EGFL8: variants seen among roughly 807,000 people sequenced by gnomAD.
EGFL8 encodes EGF like domain multiple 8.
In EGFL8, 32 loss-of-function variants were observed where a neutral mutation model predicts 39.4. That is an observed-to-expected ratio of 0.81 (90% confidence interval 0.61 to 1.09). The LOEUF is 1.09. Ranked by LOEUF, EGFL8 falls within the 50% of genes least tolerant of loss-of-function variation. The pLI is 0.00. For missense variants in EGFL8, 385 were observed against 402.2 expected (o/e 0.96, Z 0.37); for synonymous variants, 177 against 168.5 (o/e 1.05, Z -0.39).
chr6:32,167,171 A>G lies in EGFL8; in HGVS notation c.515A>G (p.His172Arg), dbSNP rs1019873839. The change falls in exon 6 of 9, where the codon CAT (histidine) becomes CGT (arginine). Residue 172 changes from histidine to arginine, a missense_variant. Physicochemically the swap from His to Arg is conservative, Grantham distance 29. Coordinates refer to ENST00000333845, the MANE Select transcript of EGFL8 (RefSeq NM_030652.4). The surrounding 1 kb of genome is among the most constrained non-coding windows in gnomAD (Gnocchi z 6.4). ...TAGSFTCGCP[H>R]DLVLGVDGRT... The stretch of plus-strand genomic sequence containing the variant: ...GGCAGCTTCACCTGCGGCTGCCCCC[A>G]TGACCTAGTGCTAGGCGTGGACGGG... The G allele has an allele frequency of 1.9e-6, 3 of 1,612,900 alleles. No individual in the cohort carries two copies. The highest frequency in any genetic ancestry group is 2.2e-5 in the East Asian group (1 of 44,880).
Position 32,167,300 on chromosome 6 carries a change from G to T in EGFL8, c.601+43G>T, listed in dbSNP as rs765525517. On this transcript the variant is annotated intron_variant, in intron 6 of 8. Coordinates refer to ENST00000333845, the MANE Select transcript of EGFL8 (RefSeq NM_030652.4). This position sits in a 1 kb window ranked among gnomAD's most constrained non-coding sequence, Gnocchi z 6.4. ...CGGGCCACCCGAGGGACTCGGGACG[G>T]GCGTCCGGGCTCGGGTAGTGGTCAC... 6.2e-7 allele frequency: 1 copy of T among 1,612,486 alleles called. No homozygotes were observed.
Position 32,166,118 on chromosome 6 carries a change from T to C in EGFL8, c.-28-20T>C. ...AATAGGAGAGGGGACGGGCATCCAT[T>C]AACCTTTTCTTGCCTGCAGCCTGTA... On this transcript the variant is annotated intron_variant, in intron 1 of 8. Transcript: ENST00000333845. The surrounding 1 kb of genome is among the most constrained non-coding windows in gnomAD (Gnocchi z 7.3). 1.3e-6 allele frequency: 2 copies of C among 1,597,936 alleles called. No individual in the cohort carries two copies. Among genetic ancestry groups the C allele is most frequent in the Non-Finnish European group, 1.7e-6 (2 of 1,165,352 alleles).
chr6:32,166,288 C>G lies in EGFL8; in HGVS notation c.101+22C>G, dbSNP rs779747860. On this transcript the variant is annotated intron_variant, in intron 2 of 8. Coordinates refer to ENST00000333845, the MANE Select transcript of EGFL8 (RefSeq NM_030652.4). The surrounding 1 kb of genome is among the most constrained non-coding windows in gnomAD (Gnocchi z 7.3). ...AGAGGTGACAACAGAGGGGGTAGGGCCCGGGGTGAGCTCTTCTCAGGAGCC... is the reference window on the plus strand; with the variant it reads ...AGAGGTGACAACAGAGGGGGTAGGGGCCGGGGTGAGCTCTTCTCAGGAGCC... The G allele has an allele frequency of 6.2e-7, 1 of 1,612,198 alleles. No homozygotes were observed. The highest frequency in any genetic ancestry group is 8.5e-7 in the Non-Finnish European group (1 of 1,178,700).
At chr6:32,165,862 G>A in intron 1 of EGFL8, 1 of 496,052 alleles carries the variant, frequency 2.0e-6, no homozygotes. Context: ...GTCCCTCCAG[G>A]TTGTGCAGAG....
At chr6:32,165,866 T>C in intron 1 of EGFL8, 1 of 527,382 alleles carries the variant, frequency 1.9e-6, no homozygotes, top group East Asian at 2.8e-5. Flanking sequence ...CTCCAGGTTG[T>C]GCAGAGGGGA....
At position 32,167,288 on chromosome 6, in the gene EGFL8, G is replaced by A. The variant is rs772147059; in HGVS notation, c.601+31G>A. ...TGGGCAGGAGTACGGGCCACCCGAG[G>A]GACTCGGGACGGGCGTCCGGGCTCG... On this transcript the variant is annotated intron_variant, in intron 6 of 8. Transcript: ENST00000333845. This position sits in a 1 kb window ranked among gnomAD's most constrained non-coding sequence, Gnocchi z 6.4. 7.0e-7 allele frequency: 1 copy of A among 1,430,842 alleles called. No homozygotes were observed. Among genetic ancestry groups the A allele is most frequent in the Non-Finnish European group, 9.6e-7 (1 of 1,037,092 alleles). 88.6% of individuals were successfully genotyped at this position (1,430,842 alleles called of 1,614,324 possible). A position where few individuals can be genotyped will look rare whatever the true frequency, so the allele number is the denominator to read the frequency against.
chr6:32,166,982 G>A lies in EGFL8; in HGVS notation c.407G>A (p.Trp136Ter), dbSNP rs757524556. 1.2e-6 allele frequency: 2 copies of A among 1,613,046 alleles called. No individual in the cohort carries two copies. The highest frequency in any genetic ancestry group is 8.5e-7 in the Non-Finnish European group (1 of 1,179,966). ...RPDQCECAPG[W>*]GGKHCHVDVD... is the part of the protein sequence containing the mutation. ...GACCAGTGCGAGTGCGCCCCCGGCT[G>A]GGGAGGGAAGCACTGTCATGTGGGT... is the stretch of plus-strand genomic sequence containing the variant. Residue 136 changes from tryptophan to a stop codon, truncating the protein, a stop_gained, in exon 5 of 9, where the codon TGG becomes TAG. Transcript: ENST00000333845. LOFTEE classifies it high-confidence loss of function. This position sits in a 1 kb window ranked among gnomAD's most constrained non-coding sequence, Gnocchi z 7.3.
rs1445861058 is a variant in EGFL8, at chr6:32,167,091, G to A, written c.435G>A (p.Val145=). 1.9e-6 allele frequency: 3 copies of A among 1,612,962 alleles called. No individual in the cohort carries two copies. The highest frequency in any genetic ancestry group is 2.5e-6 in the Non-Finnish European group (3 of 1,180,044). ...GWGGKHCHVD[V]DECRTSITLC... ...CTTCCTTTTTTCGGTAACTAGACGTGGATGAATGTAGGACCAGCATCACCC... is the reference window on the plus strand; with the variant it reads ...CTTCCTTTTTTCGGTAACTAGACGTAGATGAATGTAGGACCAGCATCACCC... The change falls in exon 6 of 9, where the codon GTG becomes GTA. Residue 145 remains valine, a synonymous_variant. Coordinates refer to ENST00000333845, the MANE Select transcript of EGFL8 (RefSeq NM_030652.4). This position sits in a 1 kb window ranked among gnomAD's most constrained non-coding sequence, Gnocchi z 6.4.
rs1313589752 is a variant in EGFL8 at position 32,164,914 on chromosome 6, T to G, written c.-29+257T>G. On this transcript the variant is annotated intron_variant, in intron 1 of 8. Transcript: ENST00000333845. This position sits in a 1 kb window ranked among gnomAD's most constrained non-coding sequence, Gnocchi z 5.4. ...GCTAGGGGTTTTTTTTGTTTGTTTGTTTTGTTTGTTTTTTTGAGACGGAGT... is the reference window on the plus strand; with the variant it reads ...GCTAGGGGTTTTTTTTGTTTGTTTGGTTTGTTTGTTTTTTTGAGACGGAGT... 6.6e-6 allele frequency among the ~76,000 whole-genome samples: 1 copy of G among 151,808 alleles called. No individual in the cohort carries two copies. Among genetic ancestry groups the G allele is most frequent in the Non-Finnish European group, 1.5e-5 (1 of 67,952 alleles).
At position 32,167,810 on chromosome 6, in the gene EGFL8, T is replaced by C; in HGVS notation, c.836-100T>C. 4 of 1,540,384 alleles carry C rather than the reference T, an allele frequency of 2.6e-6. No individual in the cohort carries two copies. The highest frequency in any genetic ancestry group is 3.6e-6 in the Non-Finnish European group (4 of 1,122,078). ...TTACCATCGTTCTCTTCTGAAATCC[T>C]GTCCCCAGCCCAACAGTTTCACTTA... On this transcript the variant is annotated intron_variant, in intron 8 of 8. Transcript: ENST00000333845. This position sits in a 1 kb window ranked among gnomAD's most constrained non-coding sequence, Gnocchi z 6.4.
In EGFL8 at chr6:32,166,500, A is replaced by C. The variant is rs1784494942; in HGVS notation, c.104A>C (p.Gln35Pro). The stretch of plus-strand genomic sequence containing the variant: ...CTCATCCTCTGGCATGGACGCAGTC[A>C]GGGAGTCTGCTCCAAGCAGACACTG... ...GAKGGSLRESQGVCSKQTLVV... is the reference protein window; with the variant it reads ...GAKGGSLRESPGVCSKQTLVV... Residue 35 changes from glutamine to proline, a missense_variant and splice_region_variant, in exon 3 of 9, where the codon CAG (glutamine) becomes CCG (proline). Physicochemically the swap from Gln to Pro is moderately conservative, Grantham distance 76. Coordinates refer to ENST00000333845, the MANE Select transcript of EGFL8 (RefSeq NM_030652.4). The surrounding 1 kb of genome is among the most constrained non-coding windows in gnomAD (Gnocchi z 7.3). 1.2e-6 allele frequency: 2 copies of C among 1,613,538 alleles called. No individual in the cohort carries two copies. The highest frequency in any genetic ancestry group is 2.7e-5 in the African/African-American group (2 of 75,038).
Position 32,166,788 on chromosome 6 carries a change from C to T in EGFL8, c.312C>T (p.His104=), listed in dbSNP as rs1301477106. The change falls in exon 4 of 9, where the codon CAC becomes CAT. Residue 104 remains histidine, a synonymous_variant. Coordinates refer to ENST00000333845, the MANE Select transcript of EGFL8 (RefSeq NM_030652.4). This position sits in a 1 kb window ranked among gnomAD's most constrained non-coding sequence, Gnocchi z 7.3. The stretch of plus-strand genomic sequence containing the variant: ...GCTGCCAGGGCTGGAAGAAGCGGCA[C>T]CCGGGGGCGCTCACCTGTGAAGGTG... ...AVCCQGWKKR[H]PGALTCEAIC... 1 of 1,569,882 alleles carries T rather than the reference C, an allele frequency of 6.4e-7. No individual in the cohort carries two copies. The highest frequency in any genetic ancestry group is 1.8e-5 in the Admixed American group (1 of 54,932).
chr6:32,165,648 G>A (rs1784426317), intron 1 of EGFL8: 1 of 167,882 alleles, frequency 6.0e-6, no homozygotes, highest in African/African-American at 2.4e-5. Context: ...GCCAGGCGTG[G>A]TGGCGCATGC....
In EGFL8 at chr6:32,166,109, G is replaced by A; in HGVS notation, c.-28-29G>A. ...GGAGAAATTAATAGGAGAGGGGACG[G>A]GCATCCATTAACCTTTTCTTGCCTG... On this transcript the variant is annotated intron_variant, in intron 1 of 8. Coordinates refer to ENST00000333845, the MANE Select transcript of EGFL8 (RefSeq NM_030652.4). This position sits in a 1 kb window ranked among gnomAD's most constrained non-coding sequence, Gnocchi z 7.3. The A allele has an allele frequency of 6.4e-7, 1 of 1,559,478 alleles. No homozygotes were observed.
Position 32,166,002 on chromosome 6 carries a change from A to G in EGFL8, c.-28-136A>G. On this transcript the variant is annotated intron_variant, in intron 1 of 8. Coordinates refer to ENST00000333845, the MANE Select transcript of EGFL8 (RefSeq NM_030652.4). The surrounding 1 kb of genome is among the most constrained non-coding windows in gnomAD (Gnocchi z 7.3). ...TGGGTTGTACACACAGGTGTAGGCA[A>G]TCCTGGTGGCTAGTATGTAAAAGTG... 7.3e-6 allele frequency: 5 copies of G among 686,552 alleles called. No individual in the cohort carries two copies. Among genetic ancestry groups the G allele is most frequent in the Non-Finnish European group, 1.3e-5 (5 of 379,244 alleles). 42.5% of individuals were successfully genotyped at this position (686,552 alleles called of 1,614,324 possible).
rs370779103 is a variant in EGFL8 at position 32,166,600 on chromosome 6, G to A, written c.204G>A (p.Arg68=). The A allele has an allele frequency of 1.2e-6, 2 of 1,614,220 alleles. No individual in the cohort carries two copies. The highest frequency in any genetic ancestry group is 1.7e-5 in the Admixed American group (1 of 60,030). Reference sequence around the variant, plus strand: ...CCTACCTGACCTTGTGCGCTGGGAGGCGCATCTGCAGCACTTACAGGTGAG... The same window carrying A: ...CCTACCTGACCTTGTGCGCTGGGAGACGCATCTGCAGCACTTACAGGTGAG... ...YKPYLTLCAG[R]RICSTYRTMY... is the part of the protein sequence containing the mutation. The change falls in exon 3 of 9, where the codon AGG becomes AGA. Residue 68 remains arginine, a synonymous_variant. Transcript: ENST00000333845. The surrounding 1 kb of genome is among the most constrained non-coding windows in gnomAD (Gnocchi z 7.3).
chr6:32,167,539 C>T lies in EGFL8; in HGVS notation c.718C>T (p.Leu240=). The T allele has an allele frequency of 6.2e-7, 1 of 1,608,394 alleles. No homozygotes were observed. The highest frequency in any genetic ancestry group is 1.1e-5 in the South Asian group (1 of 90,996). Residue 240 remains leucine, a synonymous_variant, in exon 8 of 9, where the codon CTG becomes TTG. Coordinates refer to ENST00000333845, the MANE Select transcript of EGFL8 (RefSeq NM_030652.4). The surrounding 1 kb of genome is among the most constrained non-coding windows in gnomAD (Gnocchi z 6.4). ...GGCTGGGGCCTGGGTCAGAGCGGTG[C>T]TGCCCGTGCCGCCTGAAGAGCTGCA... ...GQAGAWVRAV[L]PVPPEELQPE... is the part of the protein sequence containing the mutation.
rs752068339 is a variant in EGFL8, at chr6:32,166,161, G to A, written c.-5G>A. The stretch of plus-strand genomic sequence containing the variant: ...AGCCTGTAGGGTCCAGCGTCAAAGC[G>A]AATCATGGGGTCCAGGGCTGAGCTG... On this transcript the variant is annotated 5_prime_UTR_variant, in exon 2 of 9. Coordinates refer to ENST00000333845, the MANE Select transcript of EGFL8 (RefSeq NM_030652.4). The surrounding 1 kb of genome is among the most constrained non-coding windows in gnomAD (Gnocchi z 7.3). The A allele has an allele frequency of 9.9e-6, 16 of 1,614,006 alleles. No individual in the cohort carries two copies. The East Asian group carries it at 1.8e-4, about 18-fold the overall frequency.
rs1428549124 is a variant in EGFL8, at chr6:32,166,278, G to A, written c.101+12G>A. The A allele has an allele frequency of 6.2e-7, 1 of 1,613,628 alleles. No individual in the cohort carries two copies. Among genetic ancestry groups the A allele is most frequent in the Non-Finnish European group, 8.5e-7 (1 of 1,179,798 alleles). On this transcript the variant is annotated intron_variant, in intron 2 of 8. Coordinates refer to ENST00000333845, the MANE Select transcript of EGFL8 (RefSeq NM_030652.4). The surrounding 1 kb of genome is among the most constrained non-coding windows in gnomAD (Gnocchi z 7.3). Reference sequence around the variant, plus strand: ...TCCCTCAGAGAGAGGTGACAACAGAGGGGGTAGGGCCCGGGGTGAGCTCTT... The same window carrying A: ...TCCCTCAGAGAGAGGTGACAACAGAAGGGGTAGGGCCCGGGGTGAGCTCTT...
Sources: allele counts gnomAD v4.1 joint callset (sites outside exome capture counted in the v4.1 genomes callset), GRCh38; gene constraint gnomAD v4.1.1; non-coding constraint Gnocchi (gnomAD v3.1); transcripts MANE v1.5; gene names NCBI Gene and HGNC (gene_info 2026-07-23, HGNC 2026-07-21).